The following LARGE1 variants were observed in gnomAD, a reference collection of about 807,000 sequenced individuals.
LARGE1 encodes xylosyl- and glucuronyltransferase LARGE1.
In LARGE1, 43 loss-of-function variants were observed where a neutral mutation model predicts 87.6. The observed-to-expected ratio is 0.49, with a 90% confidence interval of 0.38 to 0.63. The LOEUF is 0.63. Among genes scored for constraint, LARGE1 ranks in the 30% least tolerant of loss-of-function variants. The pLI, the probability that LARGE1 is intolerant of heterozygous loss-of-function variation, is 0.00. For synonymous variants in LARGE1, 434 were observed against 394.6 expected, an observed-to-expected ratio of 1.10 and a Z score of -1.18; for missense variants, 802 against 1,000.2, an observed-to-expected ratio of 0.80 and a Z score of 2.67.
intron 11 of LARGE1, among the ~76,000 whole-genome samples, chr22:33,228,542 G>A (rs556811170): frequency 5.3e-5 from 8 of 152,216 alleles, no homozygotes; most frequent in East Asian, 1.9e-4. Flanking sequence ...CAACTTGGCA[G>A]GCTGAGCTGA....
chr22:33,218,464 C>T (rs538686789), intron 11 of LARGE1, among the ~76,000 whole-genome samples: 1 of 152,282 alleles, frequency 6.6e-6, no homozygotes, highest in South Asian at 2.1e-4. Context: ...TCTTTGAAGT[C>T]TTCCCTGATT....
chr22:33,314,423 C>T (rs1935933923), intron 11 of LARGE1, among the ~76,000 whole-genome samples: 1 of 152,156 alleles, frequency 6.6e-6, no homozygotes, highest in Non-Finnish European at 1.5e-5. Context: ...ACGTTGCCTC[C>T]AGCGCCAGGT....
intron 12 of LARGE1, 149 bp from the exon 13 acceptor site, chr22:33,283,497 C>T (rs1569011516): frequency 1.2e-6 from 1 of 842,492 alleles, no homozygotes; most frequent in Non-Finnish European, 1.9e-6. Context: ...GAAACTGGGC[C>T]AGGTGCGATG....
chr22:33,595,014 A>T (rs183804932), intron 5 of LARGE1, among the ~76,000 whole-genome samples: 1 of 152,288 alleles, frequency 6.6e-6, no homozygotes, highest in African/African-American at 2.4e-5. Context: ...CTCCATCCAA[A>T]TGCTGCTCTC....
chr22:33,826,651 T>C (rs2062797214), intron 1 of LARGE1, among the ~76,000 whole-genome samples: 1 of 152,210 alleles, frequency 6.6e-6, no homozygotes, highest in East Asian at 1.9e-4. Context: ...TGCCTCCCTC[T>C]TATAAGGAGA....
At chr22:33,827,206 CA>C (rs746378067) in intron 1 of LARGE1, among the ~76,000 whole-genome samples, 8,417 of 135,284 alleles carry the variant, frequency 0.062, 498 homozygotes, top group African/African-American at 0.17. Flanking sequence ...ATTAAAAATA[CA>C]AAAAAAAAAA....
rs1046166 is a variant in LARGE1, at chr22:33,277,139, C to T, written c.1994G>A (p.Arg665His). ...ADFEPYVVVR[R>H]DCPEYDRRFV... Reference sequence around the variant, plus strand: ...CCTCCGGTCGTACTCCGGGCAGTCACGTCTCACAACAACATACGGCTCAAA... The same window carrying T: ...CCTCCGGTCGTACTCCGGGCAGTCATGTCTCACAACAACATACGGCTCAAA... Residue 665 changes from arginine to histidine, a missense_variant, in exon 14 of 15, where the codon CGT (arginine) becomes CAT (histidine). Coordinates refer to ENST00000397394, the MANE Select transcript of LARGE1 (RefSeq NM_133642.5). 14,996 of 1,614,246 alleles carry T rather than the reference C, an allele frequency of 9.3e-3. 101 individuals carry two copies. The highest frequency in any genetic ancestry group is 0.012 in the Non-Finnish European group (13,738 of 1,180,024).
chr22:33,802,222 A>G (rs1271169213), intron 1 of LARGE1, among the ~76,000 whole-genome samples: 2 of 152,126 alleles, frequency 1.3e-5, no homozygotes, highest in Non-Finnish European at 2.9e-5. Context: ...GCCTCCCCCA[A>G]CTCACAGCTG....
Position 33,604,461 on chromosome 22 carries a change from C to CCACACG in LARGE1, c.583_588dup (p.Arg195_Val196dup). The CCACACG allele has an allele frequency of 6.2e-7, 1 of 1,614,108 alleles. No homozygotes were observed. Among genetic ancestry groups the CCACACG allele is most frequent in the Non-Finnish European group, 8.5e-7 (1 of 1,179,992 alleles). Reference sequence around the variant, plus strand: ...TTGAGCTCGTCTGCATTGTAGAAGTCCACACGCACAGCGGGCACCATCCAG... The same window carrying CCACACG: ...TTGAGCTCGTCTGCATTGTAGAAGTCCACACGCACACGCACAGCGGGCACCATCCAG... On this transcript the variant is annotated inframe_insertion, in exon 5 of 15. Coordinates refer to ENST00000397394, the MANE Select transcript of LARGE1 (RefSeq NM_133642.5).
chr22:33,540,235 C>G (rs2077154703), intron 6 of LARGE1, among the ~76,000 whole-genome samples: 1 of 152,170 alleles, frequency 6.6e-6, no homozygotes. Flanking sequence ...TCGACAAAAA[C>G]AACAGAGCCA....
chr22:33,541,356 G>A (rs887423816), intron 6 of LARGE1, among the ~76,000 whole-genome samples: 1 of 151,952 alleles, frequency 6.6e-6, no homozygotes, highest in African/African-American at 2.4e-5. Context: ...AAGTTAAGAC[G>A]AAAAAGACTG....
chr22:33,667,123 G>A (rs1194658930), intron 2 of LARGE1, among the ~76,000 whole-genome samples: 1 of 152,206 alleles, frequency 6.6e-6, no homozygotes, highest in Non-Finnish European at 1.5e-5. Context: ...CCCGGTGCAT[G>A]CACCCACGTG....
intron 2 of LARGE1, among the ~76,000 whole-genome samples, chr22:33,731,775 T>C (rs1158037446): frequency 6.6e-6 from 1 of 152,168 alleles, no homozygotes; most frequent in Non-Finnish European, 1.5e-5. Flanking sequence ...TTATAGACTG[T>C]GGTAATGGGT....
chr22:33,459,449 T>A (rs1197806939), intron 6 of LARGE1, among the ~76,000 whole-genome samples: 1 of 151,146 alleles, frequency 6.6e-6, no homozygotes, highest in Non-Finnish European at 1.5e-5. Flanking sequence ...CTCTTTTTTT[T>A]TTTTTTTTTT....
chr22:33,393,487 T>G (rs572394081), intron 7 of LARGE1, among the ~76,000 whole-genome samples: 2 of 152,266 alleles, frequency 1.3e-5, no homozygotes, highest in African/African-American at 2.4e-5. Flanking sequence ...TTTAAGTGAC[T>G]ACTGCTTCAA....
rs199912424 is a variant in LARGE1, at chr22:33,337,704, T to C, written c.1229A>G (p.Asn410Ser). Residue 410 changes from asparagine to serine, a missense_variant, in exon 10 of 15, where the codon AAT becomes AGT. By Grantham distance (46) the Asn-to-Ser change is conservative. This residue lies in a region of LARGE1 where 625 missense variants were observed against 841.9 expected (regional missense o/e 0.74). Coordinates refer to ENST00000397394, the MANE Select transcript of LARGE1 (RefSeq NM_133642.5). The part of the protein sequence containing the change: ...LYLTFLEYDG[N>S]LLRRELFGCP... ...GCCAAACAGTTCCCGCCTCAGAAGA[T>C]TGCCGTCATACTCCAGGAAGGTCAG... 2.2e-5 allele frequency: 35 copies of C among 1,614,120 alleles called. No homozygotes were observed. The highest frequency in any genetic ancestry group is 3.3e-5 in the Admixed American group (2 of 60,024).
intron 1 of LARGE1, among the ~76,000 whole-genome samples, chr22:33,770,077 T>G (rs761578727): frequency 9.9e-5 from 15 of 152,236 alleles, no homozygotes; most frequent in Non-Finnish European, 1.5e-4. Context: ...ATGCAAAGTG[T>G]GCAAATGTAC....
At chr22:33,530,554 G>A (rs1239524218) in intron 6 of LARGE1, among the ~76,000 whole-genome samples, 1 of 150,602 alleles carries the variant, frequency 6.6e-6, no homozygotes, top group Non-Finnish European at 1.5e-5. Context: ...AAAACAACTA[G>A]GCAGAAAACG....
chr22:33,776,313 A>T (rs1473509613), intron 1 of LARGE1, among the ~76,000 whole-genome samples: 1 of 152,222 alleles, frequency 6.6e-6, no homozygotes, highest in East Asian at 1.9e-4. Flanking sequence ...CTTCTAGCAT[A>T]GAGATCTCTC....
Sources: allele counts gnomAD v4.1 joint callset (sites outside exome capture counted in the v4.1 genomes callset), GRCh38; gene constraint gnomAD v4.1.1; regional missense constraint gnomAD v4.1.1; transcripts MANE v1.5; gene names NCBI Gene and HGNC (gene_info 2026-07-23, HGNC 2026-07-21).